STK32B: variants seen among roughly 807,000 people sequenced by gnomAD.
The protein encoded by STK32B is serine/threonine kinase 32B, also known as serine/threonine-protein kinase 32B.
STK32B carries 43 observed loss-of-function variants against 52.6 expected under a neutral mutation model. The observed-to-expected ratio is 0.82, with a 90% CI of 0.64 to 1.05. The LOEUF (loss-of-function observed/expected upper bound fraction) is 1.05. STK32B is among the 50% of genes least tolerant of loss of function. STK32B has a pLI of 0.00. For synonymous variants in STK32B, 238 were observed against 204.3 expected (o/e 1.17, Z -1.41); for missense variants, 621 against 534.6 (o/e 1.16, Z -1.59).
At chr4:5,223,027 G>A (rs2108798244) in intron 3 of STK32B, among the ~76,000 whole-genome samples, 1 of 152,270 alleles carries the variant, frequency 6.6e-6, no homozygotes, top group Admixed American at 6.5e-5. Context: ...GCCCATGTGG[G>A]GTCTTAGAGC....
intron 5 of STK32B, among the ~76,000 whole-genome samples, chr4:5,415,231 A>G (rs1202779734): frequency 6.6e-6 from 1 of 152,126 alleles, no homozygotes; most frequent in Non-Finnish European, 1.5e-5. Flanking sequence ...TGTCACCATC[A>G]CTCTAACCGT....
chr4:5,422,285 C>T (rs1354688202), intron 6 of STK32B, among the ~76,000 whole-genome samples: 1 of 152,194 alleles, frequency 6.6e-6, no homozygotes, highest in Admixed American at 6.5e-5. Context: ...AATCTTGCAG[C>T]TCCTGGGGCT....
intron 3 of STK32B, among the ~76,000 whole-genome samples, 190 bp from the exon 4 acceptor site, chr4:5,331,030 A>G (rs1004347833): frequency 5.3e-5 from 8 of 152,070 alleles, no homozygotes; most frequent in Non-Finnish European, 4.4e-5. Context: ...GGAAACCCCA[A>G]CAAATGTGGA....
the STK32B span, among the ~76,000 whole-genome samples, chr4:5,038,843 A>C: frequency 5.3e-5 from 8 of 152,208 alleles, no homozygotes; most frequent in African/African-American, 1.9e-4. Context: ...AACATATTTT[A>C]TTTCTTTAAT....
At position 5,453,225 on chromosome 4, in the gene STK32B, GA is replaced by G. The variant is rs1560426659; in HGVS notation, c.667-3581del. ...AGGAGAGAGAATTACAGAGATTAGG[GA>G]GAGAGAGAGAGAGAGAGAGTAGCTC... On this transcript the variant is annotated intron_variant, in intron 7 of 11. Coordinates refer to ENST00000282908, the MANE Select transcript of STK32B (RefSeq NM_018401.3). This position sits in a 1 kb window ranked among gnomAD's most constrained non-coding sequence, Gnocchi z 4.0. Among the ~76,000 whole-genome samples the G allele has an allele frequency of 5.2e-5, 2 of 38,388 alleles. No homozygotes were observed. The highest frequency in any genetic ancestry group is 1.4e-4 in the Non-Finnish European group (2 of 14,164). 25.2% of individuals were successfully genotyped at this position (38,388 alleles called of 152,430 possible). A position where few individuals can be genotyped will look rare whatever the true frequency, so the allele number is the denominator to read the frequency against.
intron 3 of STK32B, among the ~76,000 whole-genome samples, chr4:5,296,286 T>C (rs1729193136): frequency 6.6e-6 from 1 of 152,214 alleles, no homozygotes. Context: ...GTTCACTTGG[T>C]CTAGAGCTGA....
chr4:5,069,194 T>C (rs1452019831), intron 1 of STK32B, among the ~76,000 whole-genome samples: 4 of 146,458 alleles, frequency 2.7e-5, no homozygotes, highest in Non-Finnish European at 6.0e-5. Flanking sequence ...GGTTCTCTTT[T>C]TTTTTTTTTT....
intron 3 of STK32B, among the ~76,000 whole-genome samples, chr4:5,265,484 T>G (rs1727000677): frequency 6.6e-6 from 1 of 152,158 alleles, no homozygotes; most frequent in Admixed American, 6.5e-5. Context: ...CCACCTCCAG[T>G]TGGAAGCACC....
chr4:5,168,839 C>T (rs550014290), intron 3 of STK32B, among the ~76,000 whole-genome samples: 1 of 152,310 alleles, frequency 6.6e-6, no homozygotes, highest in African/African-American at 2.4e-5. Flanking sequence ...TATTCTACTT[C>T]AGTACAGATG....
intron 2 of STK32B, among the ~76,000 whole-genome samples, chr4:5,151,928 C>T (rs1347639929): frequency 6.6e-6 from 1 of 152,136 alleles, no homozygotes; most frequent in East Asian, 1.9e-4. Flanking sequence ...CCTCATGTCA[C>T]TGTGGTCCCC....
intron 6 of STK32B, chr4:5,426,839 C>G (rs963678312): frequency 6.6e-6 from 1 of 151,206 alleles, no homozygotes; most frequent in African/African-American, 2.4e-5. Flanking sequence ...AGTGGCTTGT[C>G]TTTCTATTAT....
At chr4:5,323,436 C>G (rs1731656223) in intron 3 of STK32B, among the ~76,000 whole-genome samples, 1 of 152,136 alleles carries the variant, frequency 6.6e-6, no homozygotes, top group Non-Finnish European at 1.5e-5. Flanking sequence ...CTCATCAGGT[C>G]TATCACTTCT....
chr4:5,325,275 A>C (rs187157564), intron 3 of STK32B, among the ~76,000 whole-genome samples: 19 of 152,244 alleles, frequency 1.2e-4, no homozygotes, highest in Admixed American at 2.0e-4. Flanking sequence ...CAGTGGAAGA[A>C]ATTTCCCACT....
At chr4:5,465,811 G>T (rs1449129091) in intron 9 of STK32B, among the ~76,000 whole-genome samples, 1 of 152,206 alleles carries the variant, frequency 6.6e-6, no homozygotes, top group Non-Finnish European at 1.5e-5. Flanking sequence ...CCAGGTCACA[G>T]CAGGCCCAGG....
At chr4:5,241,094 T>C (rs112356732) in intron 3 of STK32B, among the ~76,000 whole-genome samples, 19 of 152,346 alleles carry the variant, frequency 1.2e-4, no homozygotes, top group African/African-American at 4.3e-4. Flanking sequence ...TTTTTCTTTA[T>C]TGTGCTAATG....
chr4:5,047,738 C>T (rs1254527416), upstream of STK32B, among the ~76,000 whole-genome samples: 1 of 152,168 alleles, frequency 6.6e-6, no homozygotes, highest in African/African-American at 2.4e-5. Flanking sequence ...CAACGCATGA[C>T]CTGGAGACAG....
At chr4:5,174,924 C>T (rs1410213318) in intron 3 of STK32B, among the ~76,000 whole-genome samples, 2 of 152,222 alleles carry the variant, frequency 1.3e-5, no homozygotes, top group African/African-American at 2.4e-5. Context: ...TTTTCCCTGT[C>T]ACTTTCAGGT....
intron 3 of STK32B, among the ~76,000 whole-genome samples, chr4:5,275,843 C>A (rs1169875513): frequency 1.3e-5 from 2 of 152,042 alleles, no homozygotes; most frequent in African/African-American, 4.8e-5. Context: ...AGGGGGATGC[C>A]AGTGCCCTCT....
the STK32B span, among the ~76,000 whole-genome samples, chr4:5,028,137 GT>G: frequency 6.6e-6 from 1 of 152,214 alleles, no homozygotes; most frequent in African/African-American, 2.4e-5. Context: ...TCTTACAGCA[GT>G]TACTTTGTTT....
Sources: gnomAD v4.1 joint callset for allele counts (sites outside exome capture counted in the v4.1 genomes callset) on GRCh38, gnomAD v4.1.1 for gene constraint, Gnocchi (gnomAD v3.1) non-coding constraint, MANE v1.5 for transcripts, NCBI Gene and HGNC (gene_info 2026-07-23, HGNC 2026-07-21) for gene names.